The following SCN4B variants were observed in gnomAD, a reference collection of about 807,000 sequenced individuals.
SCN4B encodes sodium channel regulatory subunit beta-4.
SCN4B carries 20 observed loss-of-function variants against 19.6 expected under a neutral mutation model. The observed-to-expected ratio is 1.02, with a 90% confidence interval of 0.72 to 1.48. The LOEUF is 1.48. SCN4B is among the 40% of genes most tolerant of loss of function. The pLI is 0.00. For synonymous variants in SCN4B, 127 were observed against 122.8 expected, an observed-to-expected ratio of 1.03 and a Z score of -0.22; for missense variants, 271 against 287.5, an observed-to-expected ratio of 0.94 and a Z score of 0.42.
intron 2 of SCN4B, among the ~76,000 whole-genome samples, chr11:118,144,371 G>A (rs778065441): frequency 2.0e-5 from 3 of 152,050 alleles, no homozygotes; most frequent in South Asian, 2.1e-4. Context: ...TGCAAGCACC[G>A]CACTCATCTC....
intron 1 of SCN4B, among the ~76,000 whole-genome samples, chr11:118,150,232 T>C (rs1034089850): frequency 6.6e-5 from 10 of 152,124 alleles, no homozygotes; most frequent in Admixed American, 3.3e-4. Flanking sequence ...TAGGAAGAGA[T>C]TGGAAAGCAC....
At chr11:118,140,411 T>C (rs1948079442) in intron 4 of SCN4B, among the ~76,000 whole-genome samples, 1 of 152,236 alleles carries the variant, frequency 6.6e-6, no homozygotes. Context: ...GAGCAGAATG[T>C]TTCAGCAAAT....
At position 118,134,306 on chromosome 11, in the gene SCN4B, T is replaced by C. The variant is rs1947961318; in HGVS notation, c.*2721A>G. ...CTCAGCCCAGCTGCATGTGGCCAGG[T>C]CTCTCAAGATCGACTTTGTAAGTGG... On this transcript the variant is annotated 3_prime_UTR_variant, in exon 5 of 5. Coordinates refer to ENST00000324727, the MANE Select transcript of SCN4B (RefSeq NM_174934.4). 1 of 454,002 alleles carries C rather than the reference T, an allele frequency of 2.2e-6. No individual in the cohort carries two copies. The highest frequency in any genetic ancestry group is 2.0e-5 in the African/African-American group (1 of 49,996). 28.1% of individuals were successfully genotyped at this position (454,002 alleles called of 1,614,324 possible).
intron 1 of SCN4B, chr11:118,145,458 T>C (rs1343656974): frequency 6.8e-7 from 1 of 1,460,902 alleles, no homozygotes; most frequent in Non-Finnish European, 9.1e-7. Flanking sequence ...GGAGTAGCCC[T>C]TGTTGCGCTC....
chr11:118,136,544 C>T lies in SCN4B; in HGVS notation c.*483G>A, dbSNP rs1948010646. ...TCACTGTGGGCCTGCCCCCATCAGCCCCCACCCCAGGTCTTCTCCAGAGGC... is the reference window on the plus strand; with the variant it reads ...TCACTGTGGGCCTGCCCCCATCAGCTCCCACCCCAGGTCTTCTCCAGAGGC... On this transcript the variant is annotated 3_prime_UTR_variant, in exon 5 of 5. Coordinates refer to ENST00000324727, the MANE Select transcript of SCN4B (RefSeq NM_174934.4). 4.4e-6 allele frequency: 2 copies of T among 454,040 alleles called. No individual in the cohort carries two copies. Among genetic ancestry groups the T allele is most frequent in the African/African-American group, 4.0e-5 (2 of 49,952 alleles). The allele number at this position is 454,040 out of a possible 1,614,324, so 28.1% of individuals were successfully genotyped here.
intron 1 of SCN4B, among the ~76,000 whole-genome samples, chr11:118,150,254 T>TG (rs1465851130): frequency 2.0e-5 from 3 of 152,152 alleles, no homozygotes; most frequent in Non-Finnish European, 4.4e-5. Context: ...TAAACCTCAA[T>TG]GGCAATAATA....
intron 1 of SCN4B, among the ~76,000 whole-genome samples, chr11:118,152,390 A>G (rs1211802324): frequency 6.6e-6 from 1 of 152,090 alleles, no homozygotes; most frequent in African/African-American, 2.4e-5. Context: ...AAAAAAACTA[A>G]TCCTGAGACT....
At chr11:118,146,267 C>G (rs1160356602) in intron 1 of SCN4B, among the ~76,000 whole-genome samples, 1 of 152,214 alleles carries the variant, frequency 6.6e-6, no homozygotes, top group African/African-American at 2.4e-5. Flanking sequence ...AACTCCCGCT[C>G]CGGAGTCCTT....
At chr11:118,150,400 T>C (rs1948223596) in intron 1 of SCN4B, among the ~76,000 whole-genome samples, 1 of 152,168 alleles carries the variant, frequency 6.6e-6, no homozygotes, top group Non-Finnish European at 1.5e-5. Context: ...CACTGCTCTG[T>C]ACCCAGTCTC....
intron 1 of SCN4B, chr11:118,145,460 G>A: frequency 6.9e-7 from 1 of 1,456,132 alleles, no homozygotes; most frequent in Non-Finnish European, 9.1e-7. Context: ...AGTAGCCCTT[G>A]TTGCGCTCTG....
At chr11:118,146,451 A>T (rs966492931) in intron 1 of SCN4B, among the ~76,000 whole-genome samples, 4 of 152,102 alleles carry the variant, frequency 2.6e-5, no homozygotes, top group Non-Finnish European at 5.9e-5. Context: ...GCACCTTCCA[A>T]CCCCACTCTC....
rs1948013022 is a variant in SCN4B, at chr11:118,136,684, G to A, written c.*343C>T. The A allele has an allele frequency of 2.1e-6, 1 of 479,868 alleles. No homozygotes were observed. The highest frequency in any genetic ancestry group is 2.0e-5 in the African/African-American group (1 of 51,010). The allele number at this position is 479,868 out of a possible 1,614,324, so 29.7% of individuals were successfully genotyped here. A position where few individuals can be genotyped will look rare whatever the true frequency, so the allele number is the denominator to read the frequency against. On this transcript the variant is annotated 3_prime_UTR_variant, in exon 5 of 5. Transcript: ENST00000324727. ...CCCAGTCTCTTGTGAAGAGAAGCCT[G>A]GAGGAAAATCAAGGCCCTGCTTGTG...
chr11:118,145,105 C>G lies in SCN4B; in HGVS notation c.186G>C (p.Glu62Asp), dbSNP rs1388884151. 6.2e-7 allele frequency: 1 copy of G among 1,614,146 alleles called. No individual in the cohort carries two copies. Among genetic ancestry groups the G allele is most frequent in the African/African-American group, 1.3e-5 (1 of 75,024 alleles). Residue 62 changes from glutamate (E) to aspartate (D), a missense_variant, in exon 2 of 5, where the codon GAG (glutamate) becomes GAC (aspartate). By Grantham distance (45) the Glu-to-Asp change is conservative. Coordinates refer to ENST00000324727, the MANE Select transcript of SCN4B (RefSeq NM_174934.4). The stretch of plus-strand genomic sequence containing the variant: ...TGTAGGTCCACCGGAAGTGGAGGTC[C>G]TCGAAGCCAAAGCAGCTGGAGAAGG... ...PCTFSSCFGFEDLHFRWTYNS... is the reference protein window; with the variant it reads ...PCTFSSCFGFDDLHFRWTYNS...
intron 1 of SCN4B, 55 bp from the exon 2 acceptor site, chr11:118,145,284 A>G (rs926559897): frequency 6.2e-7 from 1 of 1,611,210 alleles, no homozygotes; most frequent in Non-Finnish European, 8.5e-7. Flanking sequence ...GGAGCTCTGG[A>G]AGGGGATGCT....
chr11:118,147,109 C>G (rs1429052399), intron 1 of SCN4B, among the ~76,000 whole-genome samples: 1 of 152,150 alleles, frequency 6.6e-6, no homozygotes, highest in East Asian at 1.9e-4. Context: ...GAGAAAGTTC[C>G]CAGGGAATGC....
At chr11:118,144,387 G>C (rs925968061) in intron 2 of SCN4B, among the ~76,000 whole-genome samples, 1 of 152,056 alleles carries the variant, frequency 6.6e-6, no homozygotes, top group African/African-American at 2.4e-5. Context: ...ATCTCCCTCT[G>C]TCACCTCCCA....
chr11:118,151,240 A>T (rs1948230884), intron 1 of SCN4B, among the ~76,000 whole-genome samples: 1 of 152,166 alleles, frequency 6.6e-6, no homozygotes, highest in Admixed American at 6.5e-5. Flanking sequence ...ACCACCCAGG[A>T]AGGTAAGCCA....
Position 118,133,768 on chromosome 11 carries a change from GCCAGC to G in SCN4B, c.*3254_*3258del, listed in dbSNP as rs1358342644. On this transcript the variant is annotated 3_prime_UTR_variant, in exon 5 of 5. Coordinates refer to ENST00000324727, the MANE Select transcript of SCN4B (RefSeq NM_174934.4). ...GTCCCCGCTCCTGGAACTCCCTACT[GCCAGC>G]CCTCTGATGGCAGCTGTCTGTGACA... 4.4e-6 allele frequency: 2 copies of G among 454,384 alleles called. No individual in the cohort carries two copies. Among genetic ancestry groups the G allele is most frequent in the African/African-American group, 4.0e-5 (2 of 49,984 alleles). 28.1% of individuals were successfully genotyped at this position (454,384 alleles called of 1,614,324 possible). A position where few individuals can be genotyped will look rare whatever the true frequency, so the allele number is the denominator to read the frequency against.
chr11:118,151,122 G>GCACACACA lies in SCN4B; in HGVS notation c.61+1483_61+1490dup, dbSNP rs3837425. Among the ~76,000 whole-genome samples the GCACACACA allele has an allele frequency of 5.5e-3, 827 of 149,232 alleles. 7 individuals carry two copies. The highest frequency in any genetic ancestry group is 0.018 in the African/African-American group (746 of 40,564). On this transcript the variant is annotated intron_variant, in intron 1 of 4. Transcript: ENST00000324727. ...TGCCTACAATCCCCCTTACACACGT[G>GCACACACA]CACACACACACACACACACACACAC...
Sources: allele counts gnomAD v4.1 joint callset (sites outside exome capture counted in the v4.1 genomes callset), GRCh38; gene constraint gnomAD v4.1.1; transcripts MANE v1.5; gene names NCBI Gene and HGNC (gene_info 2026-07-23, HGNC 2026-07-21).